The following MGAT4C variants were observed in gnomAD, a reference collection of about 807,000 sequenced individuals.
MGAT4C encodes alpha-1,3-mannosyl-glycoprotein 4-beta-N-acetylglucosaminyltransferase C.
In MGAT4C, 19 loss-of-function variants were observed where a neutral mutation model predicts 40.1. That is an observed-to-expected ratio of 0.47 (90% confidence interval 0.33 to 0.70). The LOEUF (loss-of-function observed/expected upper bound fraction) is 0.70. Among genes scored for constraint, MGAT4C ranks in the 30% least tolerant of loss-of-function variants. The pLI is 0.02. For missense variants in MGAT4C, 491 were observed against 563.2 expected, an observed-to-expected ratio of 0.87 and a Z score of 1.30; for synonymous variants, 181 against 187.1, an observed-to-expected ratio of 0.97 and a Z score of 0.27.
chr12:86,133,802 C>A (rs927115809), intron 1 of MGAT4C, among the ~76,000 whole-genome samples: 2 of 152,002 alleles, frequency 1.3e-5, no homozygotes, highest in South Asian at 4.1e-4. Context: ...AGAATTTATT[C>A]ATGACTTTGC....
At chr12:86,464,280 T>C (rs1244463840) in intron 2 of MGAT4C, among the ~76,000 whole-genome samples, 1 of 152,190 alleles carries the variant, frequency 6.6e-6, no homozygotes. Context: ...AAGCAAGCTC[T>C]CTAAAGTTAG....
At chr12:86,494,404 T>G (rs1322986689) in intron 2 of MGAT4C, among the ~76,000 whole-genome samples, 4 of 151,970 alleles carry the variant, frequency 2.6e-5, no homozygotes, top group Admixed American at 6.6e-5. Flanking sequence ...TGTTTCAATT[T>G]TATTTTTTAG....
chr12:86,566,785 T>C (rs1365884767), intron 2 of MGAT4C, among the ~76,000 whole-genome samples: 2 of 148,734 alleles, frequency 1.3e-5, no homozygotes, highest in Non-Finnish European at 3.0e-5. Flanking sequence ...TATATTCCAC[T>C]AGTTCTGGCC....
At chr12:86,098,522 CCA>C (rs1441212044) in intron 1 of MGAT4C, among the ~76,000 whole-genome samples, 1 of 151,506 alleles carries the variant, frequency 6.6e-6, no homozygotes, top group Non-Finnish European at 1.5e-5. Context: ...CCCCTTGTTT[CCA>C]CAGTGTGTGA....
At chr12:86,031,271 C>T (rs758380643) in intron 2 of MGAT4C, among the ~76,000 whole-genome samples, 84 of 151,720 alleles carry the variant, frequency 5.5e-4, no homozygotes, top group Non-Finnish European at 1.2e-3. Flanking sequence ...ATTTAATTTT[C>T]AGGGTCACAG....
rs796092970 is a variant in MGAT4C, at chr12:86,251,147, T to A, written c.-57+5092A>T. 4.0e-3 allele frequency among the ~76,000 whole-genome samples: 596 copies of A among 149,474 alleles called. 3 individuals are homozygous for A. The highest frequency in any genetic ancestry group is 0.014 in the African/African-American group (561 of 40,950). On this transcript the variant is annotated intron_variant, in intron 1 of 4. Coordinates refer to ENST00000611864, the MANE Select transcript of MGAT4C (RefSeq NM_001351288.2). ...TTATTTCCCGTTTTTTTTTTTTTTT[T>A]TTATTATGAAGGCATGAAGACTGAA...
Position 85,978,306 on chromosome 12 carries a change from T to C in MGAT4C, c.*983A>G, listed in dbSNP as rs1342315138. 2 of 151,610 alleles carry C rather than the reference T, an allele frequency of 1.3e-5. No individual in the cohort carries two copies. Among genetic ancestry groups the C allele is most frequent in the Admixed American group, 1.3e-4 (2 of 15,174 alleles). 9.4% of individuals were successfully genotyped at this position (151,610 alleles called of 1,614,324 possible). A position where few individuals can be genotyped will look rare whatever the true frequency, so the allele number is the denominator to read the frequency against. On this transcript the variant is annotated 3_prime_UTR_variant, in exon 5 of 5. Coordinates refer to ENST00000611864, the MANE Select transcript of MGAT4C (RefSeq NM_001351288.2). ...CTCTCATTCTGGCCTTGCTAGGAAATAGATCTTTGATTCTAGAAAAGTCAA... is the reference window on the plus strand; with the variant it reads ...CTCTCATTCTGGCCTTGCTAGGAAACAGATCTTTGATTCTAGAAAAGTCAA...
At chr12:86,695,760 T>C (rs1950245387) in intron 2 of MGAT4C, among the ~76,000 whole-genome samples, 1 of 151,874 alleles carries the variant, frequency 6.6e-6, no homozygotes, top group African/African-American at 2.4e-5. Context: ...AGAATGATGG[T>C]TACCAGAGGC....
chr12:86,732,521 C>T (rs966360717), intron 1 of MGAT4C, among the ~76,000 whole-genome samples: 2 of 152,194 alleles, frequency 1.3e-5, no homozygotes, highest in African/African-American at 4.8e-5. Flanking sequence ...AGTGACAGAT[C>T]ATCAGGCATT....
chr12:86,596,229 C>G lies in MGAT4C; in HGVS notation c.-229+130980G>C, dbSNP rs1004197024. On this transcript the variant is annotated intron_variant, in intron 2 of 7. Transcript: ENST00000548651. ...TAAATAAATAAATAAATAAATAAAA[C>G]AAGTACCAACTCTTGCTCAATCATG... Among the ~76,000 whole-genome samples, 15 of 150,790 alleles carry G rather than the reference C, an allele frequency of 9.9e-5. No homozygotes were observed. In the East Asian group the frequency reaches 1.8e-3, roughly 18 times the overall value.
chr12:86,764,426 C>T (rs558510721), intron 1 of MGAT4C, among the ~76,000 whole-genome samples: 3,217 of 152,208 alleles, frequency 0.021, 104 homozygotes, highest in African/African-American at 0.073. Flanking sequence ...GGCTCCACCT[C>T]TGGGGGCAGG....
chr12:85,989,270 A>G, intron 3 of MGAT4C, 130 bp downstream of exon 3: 1 of 696,116 alleles, frequency 1.4e-6, no homozygotes. Context: ...TAGACAATAT[A>G]CATGTTATAA....
chr12:86,787,551 C>T (rs369739027), intron 1 of MGAT4C, among the ~76,000 whole-genome samples: 29 of 151,338 alleles, frequency 1.9e-4, no homozygotes, highest in African/African-American at 6.5e-4. Flanking sequence ...CAGGTACATG[C>T]AAATTAAAAC....
chr12:86,511,028 C>G (rs1958572385), intron 2 of MGAT4C, among the ~76,000 whole-genome samples: 1 of 152,184 alleles, frequency 6.6e-6, no homozygotes, highest in Non-Finnish European at 1.5e-5. Context: ...CTCAAATCGA[C>G]AGAATATACA....
intron 4 of MGAT4C, among the ~76,000 whole-genome samples, chr12:86,293,471 T>C (rs976434305): frequency 3.3e-5 from 5 of 152,192 alleles, no homozygotes; most frequent in Non-Finnish European, 7.4e-5. Flanking sequence ...CAATAGGAAC[T>C]CAGGATTTTA....
intron 1 of MGAT4C, among the ~76,000 whole-genome samples, chr12:86,149,352 C>T (rs1883979099): frequency 6.6e-6 from 1 of 152,086 alleles, no homozygotes; most frequent in South Asian, 2.1e-4. Flanking sequence ...TGTGACATGG[C>T]TATGTCATTT....
chr12:86,629,322 C>G (rs1055422248), intron 2 of MGAT4C, among the ~76,000 whole-genome samples: 1 of 152,126 alleles, frequency 6.6e-6, no homozygotes, highest in African/African-American at 2.4e-5. Flanking sequence ...TAACACCCCA[C>G]TGTAAATATC....
chr12:86,329,810 T>C lies in MGAT4C; in HGVS notation c.-57+4255A>G, dbSNP rs535086841. ...ATTTCCCCACTGTGTATCATTTCCA[T>C]GGTGTTAGAGTTAAAAATTTACAAT... On this transcript the variant is annotated intron_variant, in intron 4 of 7. Transcript: ENST00000548651. 6.6e-5 allele frequency among the ~76,000 whole-genome samples: 10 copies of C among 152,338 alleles called. No individual in the cohort carries two copies. The South Asian group carries it at 2.1e-3, about 32-fold the overall frequency.
chr12:86,165,120 T>C (rs1050607231), intron 1 of MGAT4C, among the ~76,000 whole-genome samples: 3 of 152,234 alleles, frequency 2.0e-5, no homozygotes, highest in Admixed American at 1.3e-4. Context: ...AGTCACATAT[T>C]GGCTATTGGA....
Sources: gnomAD v4.1 joint callset for allele counts (sites outside exome capture counted in the v4.1 genomes callset) on GRCh38, gnomAD v4.1.1 for gene constraint, MANE v1.5 for transcripts, NCBI Gene and HGNC (gene_info 2026-07-23, HGNC 2026-07-21) for gene names.